Variants in LAMA3 observed in about 807,000 individuals in gnomAD.
LAMA3 encodes laminin subunit alpha 3.
Under a neutral mutation model 402.0 loss-of-function variants are expected in LAMA3, and 281 were observed. The ratio of observed to expected loss-of-function variants is 0.70; its 90% CI spans 0.63 to 0.77. The LOEUF is 0.77. LAMA3 is among the 30% of genes least tolerant of loss of function. LAMA3 has a pLI of 0.00. For synonymous variants in LAMA3, 1,431 were observed against 1,558.4 expected (o/e 0.92, Z 1.93); for missense variants, 3,840 against 4,215.5 (o/e 0.91, Z 2.47).
At chr18:23,742,940 G>C (rs2061588270) in intron 2 of LAMA3, among the ~76,000 whole-genome samples, 1 of 152,128 alleles carries the variant, frequency 6.6e-6, no homozygotes, top group Non-Finnish European at 1.5e-5. Flanking sequence ...TGAGTAGGAA[G>C]CTTATTTTGT....
At chr18:23,944,222 C>G (rs1280776680) in intron 69 of LAMA3, among the ~76,000 whole-genome samples, 1 of 152,152 alleles carries the variant, frequency 6.6e-6, no homozygotes, top group Non-Finnish European at 1.5e-5. Context: ...CAGCCCTCCC[C>G]CAGGCTGCCT....
At position 23,914,703 on chromosome 18, in the gene LAMA3, A is replaced by T; in HGVS notation, c.7487A>T (p.Tyr2496Phe). 6.2e-7 allele frequency: 1 copy of T among 1,612,414 alleles called. No individual in the cohort carries two copies. The highest frequency in any genetic ancestry group is 8.5e-7 in the Non-Finnish European group (1 of 1,178,736). ...TCTAAATTCATTTTAAACAGAATTT[A>T]TCAGTTTGCAAGGCTTAATTACACC... ...VMDRVKFQRI[Y>F]QFARLNYTKG... Residue 2496 changes from tyrosine to phenylalanine, a missense_variant, in exon 58 of 75, where the codon TAT becomes TTT. Around this residue, in one of 3 missense-constraint regions of LAMA3, gnomAD observed 891 missense variants for 857.5 expected, o/e 1.04. Transcript: ENST00000313654.
At chr18:23,807,260 T>A (rs2062979965) in intron 12 of LAMA3, among the ~76,000 whole-genome samples, 1 of 152,150 alleles carries the variant, frequency 6.6e-6, no homozygotes. Flanking sequence ...GACAGTCACT[T>A]GAGGCCAGGA....
At chr18:23,706,541 G>T (rs2060892928) in intron 1 of LAMA3, among the ~76,000 whole-genome samples, 2 of 152,110 alleles carry the variant, frequency 1.3e-5, no homozygotes, top group African/African-American at 2.4e-5. Flanking sequence ...ACTAATGATG[G>T]TGATGGTGAA....
At chr18:23,711,421 CA>C (rs1020486901) in intron 1 of LAMA3, among the ~76,000 whole-genome samples, 7 of 152,136 alleles carry the variant, frequency 4.6e-5, no homozygotes, top group African/African-American at 1.7e-4. Flanking sequence ...ATGACATGGA[CA>C]GGAGCTGCAG....
At position 23,842,417 on chromosome 18, in the gene LAMA3, G is replaced by A. The variant is rs367683592; in HGVS notation, c.3359G>A (p.Arg1120His). ...TAGAATCAAGTGACCCTGAGAGGAC[G>A]TGTACCACACCTGGGCCGATACGTC... ...APQNQVTLRG[R>H]VPHLGRYVFV... is the part of the protein sequence containing the mutation. Residue 1120 changes from arginine to histidine, a missense_variant, in exon 28 of 75, where the codon CGT becomes CAT. Arg to His is a conservative substitution (Grantham distance 29). Transcript: ENST00000313654. 22 of 1,613,906 alleles carry A rather than the reference G, an allele frequency of 1.4e-5. No individual in the cohort carries two copies. Among genetic ancestry groups the A allele is most frequent in the East Asian group, 2.2e-5 (1 of 44,874 alleles).
intron 12 of LAMA3, among the ~76,000 whole-genome samples, chr18:23,786,115 G>A (rs187782510): frequency 9.2e-5 from 14 of 152,260 alleles, no homozygotes; most frequent in Admixed American, 6.5e-4. Flanking sequence ...GGTCATAAGA[G>A]CATATAGCAA....
intron 8 of LAMA3, 94 bp from the exon 9 acceptor site, chr18:23,773,403 T>C: frequency 1.2e-6 from 1 of 814,002 alleles, no homozygotes; most frequent in Non-Finnish European, 2.1e-6. Flanking sequence ...TACAATTGTA[T>C]ATGACAGAAT....
Position 23,928,784 on chromosome 18 carries a change from A to G in LAMA3, c.8436+19A>G. 6.2e-7 allele frequency: 1 copy of G among 1,607,236 alleles called. No individual in the cohort carries two copies. The highest frequency in any genetic ancestry group is 1.1e-5 in the South Asian group (1 of 90,938). On this transcript the variant is annotated intron_variant, in intron 64 of 74. Coordinates refer to ENST00000313654, the MANE Select transcript of LAMA3 (RefSeq NM_198129.4). ...GACATGGGTATGCAGTAGTGCATTA[A>G]TATCAAACAAGATTTAAACCTGACT...
At chr18:23,730,312 T>C (rs2061369947) in intron 2 of LAMA3, among the ~76,000 whole-genome samples, 1 of 152,070 alleles carries the variant, frequency 6.6e-6, no homozygotes, top group Non-Finnish European at 1.5e-5. Context: ...GCCATTTTCT[T>C]TCCATCCTTA....
intron 38 of LAMA3, chr18:23,873,323 G>T: frequency 1.0e-6 from 1 of 971,996 alleles, no homozygotes; most frequent in Non-Finnish European, 1.7e-6. Context: ...ACTGAGGAGG[G>T]GCTGATGGCC....
At chr18:23,780,546 G>C (rs1453807981) in intron 11 of LAMA3, among the ~76,000 whole-genome samples, 3 of 152,046 alleles carry the variant, frequency 2.0e-5, no homozygotes, top group African/African-American at 7.2e-5. Flanking sequence ...ATAGAGAGAG[G>C]AAGTTCAAGG....
rs552451090 is a variant in LAMA3, at chr18:23,882,459, G to A, written c.5222+414G>A. ...AGCCTGGCCAACATGGTGAAACCCC[G>A]TCTCTACTGAAAATGCAAAAATTAC... is the stretch of plus-strand genomic sequence containing the variant. On this transcript the variant is annotated intron_variant, in intron 40 of 74. Transcript: ENST00000313654. Among the ~76,000 whole-genome samples the A allele has an allele frequency of 1.4e-4, 21 of 151,978 alleles. No individual in the cohort carries two copies. In the East Asian group the frequency reaches 3.5e-3, roughly 25 times the overall value.
At chr18:23,728,895 G>A (rs1350179494) in intron 2 of LAMA3, among the ~76,000 whole-genome samples, 1 of 151,934 alleles carries the variant, frequency 6.6e-6, no homozygotes, top group Non-Finnish European at 1.5e-5. Context: ...GCTAGGTGTG[G>A]TGGTGCGCAC....
At chr18:23,861,309 A>G (rs1292071898) in intron 34 of LAMA3, among the ~76,000 whole-genome samples, 1 of 152,188 alleles carries the variant, frequency 6.6e-6, no homozygotes, top group African/African-American at 2.4e-5. Context: ...GGAGCTTGCC[A>G]TTAAATGCGC....
At chr18:23,715,208 A>C (rs983426537) in intron 2 of LAMA3, among the ~76,000 whole-genome samples, 1 of 152,092 alleles carries the variant, frequency 6.6e-6, no homozygotes, top group African/African-American at 2.4e-5. Context: ...AACTCTGTGA[A>C]TATGCCGAAG....
chr18:23,946,074 A>G, intron 69 of LAMA3, 70 bp from the exon 70 acceptor site: 1 of 1,463,426 alleles, frequency 6.8e-7, no homozygotes, highest in Non-Finnish European at 9.6e-7. Context: ...TTGGCCACTA[A>G]TATTTAATAA....
intron 2 of LAMA3, among the ~76,000 whole-genome samples, chr18:23,726,645 A>G (rs1195885436): frequency 2.0e-5 from 3 of 151,642 alleles, no homozygotes; most frequent in African/African-American, 7.3e-5. Flanking sequence ...TTGAGACAGG[A>G]TTTTGCTCTG....
chr18:23,748,155 G>A lies in LAMA3; in HGVS notation c.565+95G>A, dbSNP rs1296827910. On this transcript the variant is annotated intron_variant, in intron 3 of 74. Transcript: ENST00000313654. ...ATTAGAAAATTAATCTTGGCTGGGT[G>A]TGGTGGCTCACCCCTATAATCCCAG... is the stretch of plus-strand genomic sequence containing the variant. 4 of 876,702 alleles carry A rather than the reference G, an allele frequency of 4.6e-6. No individual in the cohort carries two copies. In the East Asian group the frequency reaches 9.9e-5, roughly 22 times the overall value. The allele number at this position is 876,702 out of a possible 1,614,324, so 54.3% of individuals were successfully genotyped here.
Sources: gnomAD v4.1 joint callset for allele counts (sites outside exome capture counted in the v4.1 genomes callset) on GRCh38, gnomAD v4.1.1 for gene constraint, gnomAD v4.1.1 regional missense constraint, MANE v1.5 for transcripts, NCBI Gene and HGNC (gene_info 2026-07-23, HGNC 2026-07-21) for gene names.